The following DOK6 variants were observed in gnomAD, a reference collection of about 807,000 sequenced individuals.
DOK6 encodes the protein docking protein 6.
In DOK6, 22 loss-of-function variants were observed where a neutral mutation model predicts 44.0. The observed-to-expected ratio is 0.50, with a 90% CI of 0.36 to 0.71. The LOEUF is 0.71. Ranked by LOEUF, DOK6 falls within the 30% of genes least tolerant of loss-of-function variation. DOK6 has a pLI of 0.00. For missense variants in DOK6, 340 were observed against 416.4 expected (o/e 0.82, Z 1.60); for synonymous variants, 166 against 145.5 (o/e 1.14, Z -1.01).
chr18:69,738,971 T>C lies in DOK6; in HGVS notation c.606T>C (p.Cys202=). 6.2e-7 allele frequency: 1 copy of C among 1,613,922 alleles called. No homozygotes were observed. Among genetic ancestry groups the C allele is most frequent in the Non-Finnish European group, 8.5e-7 (1 of 1,179,846 alleles). The change falls in exon 6 of 8, where the codon TGT becomes TGC. Residue 202 remains cysteine, a synonymous_variant. Transcript: ENST00000382713. Reference sequence around the variant, plus strand: ...CCTATCTCTATTCTCACAGAATGTGTGACACAGGAGAAGGACTATTCACTT... The same window carrying C: ...CCTATCTCTATTCTCACAGAATGTGCGACACAGGAGAAGGACTATTCACTT... ...TWFTFESGRM[C]DTGEGLFTFQ... is the part of the protein sequence containing the mutation.
At chr18:69,709,581 T>C (rs912169243) in intron 5 of DOK6, among the ~76,000 whole-genome samples, 19 of 152,154 alleles carry the variant, frequency 1.2e-4, no homozygotes, top group Non-Finnish European at 2.8e-4. Context: ...AGATTATAAA[T>C]TCATTATTAT....
At position 69,535,587 on chromosome 18, in the gene DOK6, C is replaced by CAT. The variant is rs748567172; in HGVS notation, c.67-28891_67-28890dup. ...CTCAGTTGAATATATATATGTGATT[C>CAT]ATATATATATGTGATTCATGTATAT... is the stretch of plus-strand genomic sequence containing the variant. On this transcript the variant is annotated intron_variant, in intron 1 of 7. Coordinates refer to ENST00000382713, the MANE Select transcript of DOK6 (RefSeq NM_152721.6). 2.5e-4 allele frequency among the ~76,000 whole-genome samples: 38 copies of CAT among 151,054 alleles called. No homozygotes were observed. In the East Asian group the frequency reaches 6.2e-3, roughly 25 times the overall value.
chr18:69,499,019 A>C (rs995265975), intron 1 of DOK6, among the ~76,000 whole-genome samples: 1 of 152,316 alleles, frequency 6.6e-6, no homozygotes, highest in East Asian at 1.9e-4. Flanking sequence ...CAACTGCGTC[A>C]CTTTGAGATA....
chr18:69,677,921 G>C (rs1985961421), intron 4 of DOK6, 68 bp downstream of exon 4: 4 of 1,549,932 alleles, frequency 2.6e-6, no homozygotes, highest in Non-Finnish European at 3.5e-6. Flanking sequence ...AAACTGGAAA[G>C]GATCTCAGAA....
chr18:69,499,348 G>GTCAA (rs149140311), intron 1 of DOK6, among the ~76,000 whole-genome samples: 5,616 of 152,144 alleles, frequency 0.037, 159 homozygotes, highest in Admixed American at 0.094. Context: ...TAACTCTTGA[G>GTCAA]TCAATCAATC....
chr18:69,698,562 G>C lies in DOK6; in HGVS notation c.568G>C (p.Asp190His). The change falls in exon 5 of 8, where the codon GAC becomes CAC. Residue 190 changes from aspartate (D) to histidine (H), a missense_variant. Coordinates refer to ENST00000382713, the MANE Select transcript of DOK6 (RefSeq NM_152721.6). ...CAGCTCACTGAGGAGATACGGTCGG[G>C]ACTCAACGTGGTTCACGTTTGAGTC... The part of the protein sequence containing the change: ...PLSSLRRYGR[D>H]STWFTFESGR... 1 of 1,613,878 alleles carries C rather than the reference G, an allele frequency of 6.2e-7. No individual in the cohort carries two copies. Among genetic ancestry groups the C allele is most frequent in the Non-Finnish European group, 8.5e-7 (1 of 1,179,916 alleles).
intron 6 of DOK6, among the ~76,000 whole-genome samples, chr18:69,748,168 G>A (rs527868261): frequency 6.6e-6 from 1 of 152,060 alleles, no homozygotes; most frequent in Non-Finnish European, 1.5e-5. Flanking sequence ...TAATGGTAAA[G>A]GGGTCAATTT....
chr18:69,514,921 C>T (rs1981477323), intron 1 of DOK6, among the ~76,000 whole-genome samples: 1 of 151,440 alleles, frequency 6.6e-6, no homozygotes, highest in South Asian at 2.1e-4. Flanking sequence ...GTCTTCTGTT[C>T]ATAGCCTCAG....
chr18:69,528,703 A>T (rs1374615480), intron 1 of DOK6, among the ~76,000 whole-genome samples: 5 of 152,212 alleles, frequency 3.3e-5, no homozygotes, highest in Non-Finnish European at 5.9e-5. Flanking sequence ...ATCATCCATG[A>T]CGTAGCTCTA....
At chr18:69,693,913 G>T (rs1568335668) in intron 4 of DOK6, among the ~76,000 whole-genome samples, 2 of 151,688 alleles carry the variant, frequency 1.3e-5, no homozygotes, top group South Asian at 4.2e-4. Context: ...AAAAAAATTA[G>T]CCGGGCGTGG....
At chr18:69,645,109 C>T (rs1040759311) in intron 3 of DOK6, among the ~76,000 whole-genome samples, 4 of 152,222 alleles carry the variant, frequency 2.6e-5, no homozygotes, top group Middle Eastern at 3.4e-3. Flanking sequence ...TGTAGAACAC[C>T]GCTAAAACCA....
chr18:69,401,406 A>G, intron 1 of DOK6, 96 bp downstream of exon 1: 1 of 1,264,510 alleles, frequency 7.9e-7, no homozygotes, highest in South Asian at 1.9e-5. Flanking sequence ...GTGCGGGTAC[A>G]GGGCAGAGAG....
chr18:69,434,983 A>AAGGAAGGAAGGAAAGAAG (rs1978918850), intron 1 of DOK6, among the ~76,000 whole-genome samples: 1 of 84,752 alleles, frequency 1.2e-5, no homozygotes, highest in Non-Finnish European at 2.7e-5. Flanking sequence ...AAGGAAGGAA[A>AAGGAAGGAAGGAAAGAAG]GAAGGAAGGA....
chr18:69,550,578 A>T (rs1982535445), intron 1 of DOK6, among the ~76,000 whole-genome samples: 4 of 152,140 alleles, frequency 2.6e-5, no homozygotes, highest in African/African-American at 9.7e-5. Flanking sequence ...CAGCATATAC[A>T]TCAGTATCGG....
At chr18:69,796,802 C>T (rs948981949) in intron 7 of DOK6, among the ~76,000 whole-genome samples, 1 of 152,186 alleles carries the variant, frequency 6.6e-6, no homozygotes, top group Non-Finnish European at 1.5e-5. Flanking sequence ...GCTTGTAATT[C>T]TCATATGCTT....
chr18:69,534,202 A>G (rs1337183817), intron 1 of DOK6, among the ~76,000 whole-genome samples: 1 of 152,142 alleles, frequency 6.6e-6, no homozygotes, highest in African/African-American at 2.4e-5. Context: ...CTCTTTGACT[A>G]TGCTATATGT....
At chr18:69,624,952 T>A (rs1000127058) in intron 3 of DOK6, among the ~76,000 whole-genome samples, 26 of 152,270 alleles carry the variant, frequency 1.7e-4, no homozygotes, top group African/African-American at 5.8e-4. Context: ...CATCCCACTC[T>A]ACTAAATATC....
At chr18:69,687,022 T>C (rs1986168579) in intron 4 of DOK6, among the ~76,000 whole-genome samples, 1 of 152,134 alleles carries the variant, frequency 6.6e-6, no homozygotes, top group African/African-American at 2.4e-5. Flanking sequence ...GCAAAACTAT[T>C]CAGAAAAAAC....
At chr18:69,793,287 A>G (rs962826136) in intron 7 of DOK6, among the ~76,000 whole-genome samples, 1 of 152,188 alleles carries the variant, frequency 6.6e-6, no homozygotes, top group African/African-American at 2.4e-5. Context: ...AATAGCATCC[A>G]CAAATAGTTA....
Sources: allele counts gnomAD v4.1 joint callset (sites outside exome capture counted in the v4.1 genomes callset), GRCh38; gene constraint gnomAD v4.1.1; transcripts MANE v1.5; gene names NCBI Gene and HGNC (gene_info 2026-07-23, HGNC 2026-07-21).